The following NRXN3 variants were observed in gnomAD, a reference collection of about 807,000 sequenced individuals.
NRXN3 encodes neurexin 3, also known as neurexin III.
A neutral mutation model predicts 137.6 loss-of-function variants in NRXN3; 32 were observed. The ratio of observed to expected loss-of-function variants is 0.23; its 90% CI spans 0.18 to 0.31. NRXN3 has a LOEUF of 0.31. Among genes scored for constraint, NRXN3 ranks in the 10% least tolerant of loss-of-function variants. NRXN3 has a pLI of 1.00. For synonymous variants in NRXN3, 798 were observed against 784.5 expected (o/e 1.02, Z -0.29); for missense variants, 1,574 against 2,062.5 (o/e 0.76, Z 4.59).
chr14:79,496,397 C>T (rs1179311311), intron 16 of NRXN3, among the ~76,000 whole-genome samples: 1 of 151,958 alleles, frequency 6.6e-6, no homozygotes, highest in Non-Finnish European at 1.5e-5. Context: ...ATAGATTCCC[C>T]CTGGATACTA....
intron 4 of NRXN3, among the ~76,000 whole-genome samples, chr14:78,333,480 A>G (rs1362768005): frequency 1.3e-5 from 2 of 152,190 alleles, no homozygotes; most frequent in African/African-American, 4.8e-5. Context: ...ACACACATAA[A>G]GAAAAATCAC....
At chr14:79,707,824 T>C (rs1164360242) in intron 19 of NRXN3, among the ~76,000 whole-genome samples, 1 of 151,894 alleles carries the variant, frequency 6.6e-6, no homozygotes, top group Admixed American at 6.6e-5. Context: ...AACAATGAAT[T>C]AGAAGAAGTA....
intron 15 of NRXN3, among the ~76,000 whole-genome samples, chr14:79,306,940 C>CT (rs944668111): frequency 6.6e-6 from 1 of 152,002 alleles, no homozygotes; most frequent in Non-Finnish European, 1.5e-5. Flanking sequence ...TAGGGTGAAC[C>CT]TTTTTTCACT....
chr14:79,096,553 C>T (rs370683111), intron 15 of NRXN3, among the ~76,000 whole-genome samples: 45 of 152,062 alleles, frequency 3.0e-4, no homozygotes, highest in African/African-American at 1.0e-3. Flanking sequence ...GCCATGGCTC[C>T]TTCCCTGTAG....
intron 10 of NRXN3, among the ~76,000 whole-genome samples, chr14:78,856,436 C>T (rs2099057282): frequency 6.6e-6 from 1 of 152,078 alleles, no homozygotes; most frequent in South Asian, 2.1e-4. Context: ...AATGTAAATA[C>T]TTCTGGATTC....
intron 15 of NRXN3, among the ~76,000 whole-genome samples, chr14:79,186,344 C>T (rs2063543709): frequency 6.6e-6 from 1 of 151,964 alleles, no homozygotes; most frequent in Admixed American, 6.6e-5. Flanking sequence ...ACTTTTAGAC[C>T]TTTTCATATA....
At chr14:79,474,336 G>T (rs553906326) in intron 16 of NRXN3, among the ~76,000 whole-genome samples, 1 of 152,252 alleles carries the variant, frequency 6.6e-6, no homozygotes, top group African/African-American at 2.4e-5. Context: ...TAATAAAATG[G>T]GTGCTGTAGA....
chr14:79,356,939 G>C (rs753013937), intron 15 of NRXN3, among the ~76,000 whole-genome samples: 1 of 152,064 alleles, frequency 6.6e-6, no homozygotes, highest in African/African-American at 2.4e-5. Flanking sequence ...TTGTGGCGAG[G>C]CTGGTCTCGA....
At chr14:79,434,595 T>C (rs1260421925) in intron 15 of NRXN3, among the ~76,000 whole-genome samples, 2 of 152,198 alleles carry the variant, frequency 1.3e-5, no homozygotes, top group African/African-American at 4.8e-5. Context: ...TAAGAAACAC[T>C]ATGCAAATGA....
rs149927375 is a variant in NRXN3 at position 79,702,607 on chromosome 14, G to A, written c.4014+4670G>A. On this transcript the variant is annotated intron_variant, in intron 19 of 20. Coordinates refer to ENST00000335750, the MANE Select transcript of NRXN3 (RefSeq NM_001330195.2). ...CAAGTAGAACAGAGAATGCATAAGA[G>A]GGAGTTTGTGAGTAGCAAGGGGTCC... 2.4e-3 allele frequency among the ~76,000 whole-genome samples: 362 copies of A among 152,034 alleles called. 1 individual carries two copies. The highest frequency in any genetic ancestry group is 4.0e-3 in the Non-Finnish European group (274 of 67,990).
At chr14:79,821,915 AT>A (rs985212580) in intron 20 of NRXN3, among the ~76,000 whole-genome samples, 7 of 152,038 alleles carry the variant, frequency 4.6e-5, no homozygotes, top group Non-Finnish European at 8.8e-5. Context: ...ATATATTAAG[AT>A]TTTTTTTATT....
chr14:79,363,774 A>G (rs1197008868), intron 15 of NRXN3, among the ~76,000 whole-genome samples: 5 of 152,170 alleles, frequency 3.3e-5, no homozygotes, highest in Non-Finnish European at 7.3e-5. Flanking sequence ...GTGCTTTTCA[A>G]TTGCTTTAGG....
At chr14:78,788,557 G>A (rs753313018) in intron 8 of NRXN3, among the ~76,000 whole-genome samples, 2 of 152,092 alleles carry the variant, frequency 1.3e-5, no homozygotes, top group Non-Finnish European at 2.9e-5. Context: ...CTCTTGGAAA[G>A]GCTTGTCTGT....
intron 6 of NRXN3, among the ~76,000 whole-genome samples, chr14:78,677,117 T>C (rs560895230): frequency 6.6e-6 from 1 of 152,276 alleles, no homozygotes; most frequent in Admixed American, 6.5e-5. Flanking sequence ...GCTCAAGGAG[T>C]AATTTAGACT....
intron 20 of NRXN3, among the ~76,000 whole-genome samples, chr14:79,834,532 A>G (rs2099331361): frequency 6.6e-6 from 1 of 152,162 alleles, no homozygotes; most frequent in South Asian, 2.1e-4. Context: ...AGTGTTGAAA[A>G]TATTATTTAT....
intron 2 of NRXN3, among the ~76,000 whole-genome samples, chr14:78,266,587 A>G (rs772028123): frequency 6.6e-6 from 1 of 152,074 alleles, no homozygotes; most frequent in Admixed American, 6.6e-5. Context: ...ATGAGCCACC[A>G]AGCCCAGCCT....
intron 4 of NRXN3, among the ~76,000 whole-genome samples, chr14:78,561,140 T>A (rs2096782822): frequency 6.6e-6 from 1 of 152,226 alleles, no homozygotes; most frequent in Admixed American, 6.5e-5. Context: ...GAAGCTTGGC[T>A]GCTTTTTGAT....
At chr14:79,031,145 T>C (rs532671502) in intron 15 of NRXN3, among the ~76,000 whole-genome samples, 31 of 152,272 alleles carry the variant, frequency 2.0e-4, no homozygotes, top group African/African-American at 7.2e-4. Context: ...TTACTTCTGT[T>C]GAATGGTAAT....
At chr14:78,611,447 T>G (rs2097300194) in intron 4 of NRXN3, among the ~76,000 whole-genome samples, 2 of 151,860 alleles carry the variant, frequency 1.3e-5, no homozygotes, top group African/African-American at 4.8e-5. Context: ...TCCTTCTCTC[T>G]GAATCACTTA....
Sources: gnomAD v4.1 joint callset for allele counts (sites outside exome capture counted in the v4.1 genomes callset) on GRCh38, gnomAD v4.1.1 for gene constraint, MANE v1.5 for transcripts, NCBI Gene and HGNC (gene_info 2026-07-23, HGNC 2026-07-21) for gene names.